Variants in WDR62 observed in about 807,000 individuals in gnomAD.
WDR62 encodes WD repeat domain 62.
In WDR62, 112 loss-of-function variants were observed where a neutral mutation model predicts 160.6. The observed-to-expected ratio is 0.70, with a 90% CI of 0.60 to 0.82. The LOEUF (loss-of-function observed/expected upper bound fraction) is 0.82. Among genes scored for constraint, WDR62 ranks in the 40% least tolerant of loss-of-function variants. The pLI, the probability that WDR62 is intolerant of heterozygous loss-of-function variation, is 0.00. For synonymous variants in WDR62, 792 were observed against 815.1 expected (o/e 0.97, Z 0.48); for missense variants, 1,819 against 1,983.8 (o/e 0.92, Z 1.58).
Position 36,100,857 on chromosome 19 carries a change from C to T in WDR62, c.2849C>T (p.Thr950Ile), listed in dbSNP as rs1348847726. The change falls in exon 23 of 32, where the codon ACA (threonine) becomes ATA (isoleucine). Residue 950 changes from threonine (T) to isoleucine (I), a missense_variant. By Grantham distance (89) the Thr-to-Ile change is moderately conservative. Around this residue, in one of 3 missense-constraint regions of WDR62, gnomAD observed 934 missense variants for 1,157.2 expected, o/e 0.81. Transcript: ENST00000401500. ...CTCTACTCTCTGGAGGCAGAAGTGA[C>T]AGTCACAGGGACAGACAGGTGGGTG... The part of the protein sequence containing the change: ...LILYSLEAEV[T>I]VTGTDSQYCR... 1.2e-6 allele frequency: 2 copies of T among 1,614,248 alleles called. No individual in the cohort carries two copies. Among genetic ancestry groups the T allele is most frequent in the African/African-American group, 1.3e-5 (1 of 75,070 alleles).
intron 19 of WDR62, 86 bp downstream of exon 19, chr19:36,092,897 A>G (rs944194676): frequency 1.6e-5 from 25 of 1,601,384 alleles, no homozygotes; most frequent in Admixed American, 1.5e-4. Context: ...GTGGTGGCCA[A>G]GACAGCCCTA....
chr19:36,060,039 A>AGGCCTG lies in WDR62; in HGVS notation c.332+14_332+19dup. 2 of 1,614,204 alleles carry AGGCCTG rather than the reference A, an allele frequency of 1.2e-6. No homozygotes were observed. Among genetic ancestry groups the AGGCCTG allele is most frequent in the Non-Finnish European group, 1.7e-6 (2 of 1,180,016 alleles). On this transcript the variant is annotated intron_variant, in intron 3 of 31. Transcript: ENST00000401500. ...ATCTTTAACACCGCCAGGTAGGCTG[A>AGGCCTG]GGCCTGGGCCCGGGGCAGGGGTGGA...
At chr19:36,061,203 T>C (rs1416781056) in intron 3 of WDR62, 1 of 152,232 alleles carries the variant, frequency 6.6e-6, no homozygotes, top group East Asian at 1.9e-4. Flanking sequence ...AGTGGCTTTT[T>C]GGACCTTTTG....
chr19:36,091,265 T>A lies in WDR62; in HGVS notation c.2100T>A (p.Ile700=). The change falls in exon 17 of 32, where the codon ATT becomes ATA. Residue 700 remains isoleucine, a synonymous_variant. Transcript: ENST00000401500. ...GCTCTGACAAAAGCATCTCAGTGATTGACTTTTACTCGGGCGAGTGCATTG... is the reference window on the plus strand; with the variant it reads ...GCTCTGACAAAAGCATCTCAGTGATAGACTTTTACTCGGGCGAGTGCATTG... The part of the protein sequence containing the change: ...TSCSDKSISV[I]DFYSGECIAK... 6.2e-7 allele frequency: 1 copy of A among 1,613,790 alleles called. No individual in the cohort carries two copies. The highest frequency in any genetic ancestry group is 8.5e-7 in the Non-Finnish European group (1 of 1,180,042).
chr19:36,103,707 C>T lies in WDR62; in HGVS notation c.3879C>T (p.Ala1293=), dbSNP rs149342521. Residue 1293 remains alanine (A), a synonymous_variant, in exon 30 of 32, where the codon GCC becomes GCT. Transcript: ENST00000401500. The part of the protein sequence containing the change: ...PALRSWGNHE[A]RANLRLTLSS... ...TGCGTTCCTGGGGCAACCACGAGGC[C>T]CGGGCCAACCTGAGACTGACCCTGT... 8 of 1,610,796 alleles carry T rather than the reference C, an allele frequency of 5.0e-6. No homozygotes were observed. In the East Asian group the frequency reaches 8.9e-5, roughly 18 times the overall value.
chr19:36,091,470 G>A lies in WDR62; in HGVS notation c.2210+5G>A. ...GATCACAGTATCTGGAGACAGGTGG[G>A]ACATGGACCTTTGGGAGAGTTGTGG... is the stretch of plus-strand genomic sequence containing the variant. On this transcript the variant is annotated splice_donor_5th_base_variant and intron_variant, in intron 18 of 31. Transcript: ENST00000401500. 1.9e-6 allele frequency: 3 copies of A among 1,613,910 alleles called. No homozygotes were observed. Among genetic ancestry groups the A allele is most frequent in the Non-Finnish European group, 2.5e-6 (3 of 1,179,878 alleles).
At chr19:36,104,723 C>T in intron 31 of WDR62, 45 bp from the exon 32 acceptor site, 1 of 1,613,906 alleles carries the variant, frequency 6.2e-7, no homozygotes. Context: ...TCTCTTGAGA[C>T]CGCCCGGCCT....
chr19:36,056,235 G>A (rs1970364679), intron 1 of WDR62, among the ~76,000 whole-genome samples: 1 of 152,100 alleles, frequency 6.6e-6, no homozygotes, highest in African/African-American at 2.4e-5. Flanking sequence ...GATCTTCTTG[G>A]CACGGAGTCC....
downstream of WDR62, among the ~76,000 whole-genome samples, chr19:36,107,608 TG>T (rs1487106262): frequency 6.6e-6 from 1 of 151,936 alleles, no homozygotes; most frequent in Non-Finnish European, 1.5e-5. Context: ...GAGACTCATC[TG>T]GGGTCAGATG....
Position 36,091,702 on chromosome 19 carries a change from G to C in WDR62, c.2210+237G>C, listed in dbSNP as rs187579029. On this transcript the variant is annotated intron_variant, in intron 18 of 31. Coordinates refer to ENST00000401500, the MANE Select transcript of WDR62 (RefSeq NM_001083961.2). ...ACTTGAGCTCAGGAGTTCGAGACCA[G>C]CCTGGGCAACATAGCAAAACCCTAT... Among the ~76,000 whole-genome samples the C allele has an allele frequency of 4.6e-5, 7 of 152,156 alleles. No homozygotes were observed. In the East Asian group the frequency reaches 1.4e-3, roughly 30 times the overall value.
intron 9 of WDR62, among the ~76,000 whole-genome samples, chr19:36,081,007 A>T (rs1392847627): frequency 2.0e-5 from 3 of 151,542 alleles, no homozygotes; most frequent in Admixed American, 6.6e-5. Context: ...GCCAGAGTAG[A>T]CTTGAACTGC....
chr19:36,097,981 G>T (rs1219336829), intron 21 of WDR62, among the ~76,000 whole-genome samples: 5 of 152,236 alleles, frequency 3.3e-5, no homozygotes, highest in Admixed American at 6.5e-5. Flanking sequence ...TTTGAGCAGA[G>T]TTGAAGCAAG....
At chr19:36,058,602 G>A (rs934303145) in intron 1 of WDR62, among the ~76,000 whole-genome samples, 178 bp from the exon 2 acceptor site, 2 of 152,262 alleles carry the variant, frequency 1.3e-5, no homozygotes, top group Admixed American at 6.5e-5. Context: ...TTTTCACCTA[G>A]CGTTGTATTT....
In WDR62 at chr19:36,099,453, C is replaced by T. The variant is rs1006898944; in HGVS notation, c.2575C>T (p.Gln859Ter). 1 of 1,613,798 alleles carries T rather than the reference C, an allele frequency of 6.2e-7. No homozygotes were observed. The highest frequency in any genetic ancestry group is 8.5e-7 in the Non-Finnish European group (1 of 1,180,048). The change falls in exon 22 of 32, where the codon CAG (glutamine) becomes TAG (stop). Residue 859 changes from glutamine (Q) to a stop codon, truncating the protein, a stop_gained. Transcript: ENST00000401500. LOFTEE classifies it high-confidence loss of function. ...GLAFHAKRSYQPHGRWAERAG... is the reference protein window; with the variant it reads ...GLAFHAKRSY ...GGCCTTCCACGCCAAGCGCAGCTAC[C>T]AGCCCCACGGCCGCTGGGCAGAGCG...
intron 3 of WDR62, chr19:36,061,589 G>A (rs1970648655): frequency 6.6e-6 from 1 of 152,230 alleles, no homozygotes; most frequent in South Asian, 2.1e-4. Flanking sequence ...GTTGTGGCCA[G>A]TTCCTCACAC....
chr19:36,090,148 CAG>C (rs1376365260), intron 15 of WDR62, among the ~76,000 whole-genome samples: 5 of 152,178 alleles, frequency 3.3e-5, no homozygotes, highest in Non-Finnish European at 7.4e-5. Flanking sequence ...CAGGGGGAGG[CAG>C]AGAGTGAGTG....
chr19:36,089,967 C>T (rs1435644873), intron 15 of WDR62, among the ~76,000 whole-genome samples: 1 of 152,218 alleles, frequency 6.6e-6, no homozygotes, highest in Non-Finnish European at 1.5e-5. Context: ...TCATGGAGCT[C>T]ACAGTCCAGT....
rs587784544 is a variant in WDR62 at position 36,083,177 on chromosome 19, C to T, written c.1486C>T (p.Arg496Trp). The T allele has an allele frequency of 7.4e-6, 12 of 1,611,386 alleles. No individual in the cohort carries two copies. The highest frequency in any genetic ancestry group is 1.7e-5 in the Admixed American group (1 of 59,626). The change falls in exon 11 of 32, where the codon CGG (arginine) becomes TGG (tryptophan). Residue 496 changes from arginine (R) to tryptophan (W), a missense_variant. By Grantham distance (101) the Arg-to-Trp change is moderately radical. Coordinates refer to ENST00000401500, the MANE Select transcript of WDR62 (RefSeq NM_001083961.2). ...GTPMDVKAGV[R>W]VMQVSPDGQH... ...ACCCATGGACGTGAAAGCCGGGGTGCGGGTCATGCAGGTCAGTCCTGACGG... is the reference window on the plus strand; with the variant it reads ...ACCCATGGACGTGAAAGCCGGGGTGTGGGTCATGCAGGTCAGTCCTGACGG...
Position 36,104,836 on chromosome 19 carries a change from G to A in WDR62, c.4380G>A (p.Leu1460=). The A allele has an allele frequency of 6.2e-7, 1 of 1,613,540 alleles. No homozygotes were observed. Among genetic ancestry groups the A allele is most frequent in the African/African-American group, 1.3e-5 (1 of 75,064 alleles). ...QARTELVSTF[L]WIHSQLEAEC... is the part of the protein sequence containing the mutation. ...GGACTGAGCTGGTCTCCACCTTCCT[G>A]TGGATCCACAGCCAGCTGGAGGCTG... The change falls in exon 32 of 32, where the codon CTG becomes CTA. Residue 1460 remains leucine, a synonymous_variant. Coordinates refer to ENST00000401500, the MANE Select transcript of WDR62 (RefSeq NM_001083961.2).
Sources: gnomAD v4.1 joint callset for allele counts (sites outside exome capture counted in the v4.1 genomes callset) on GRCh38, gnomAD v4.1.1 for gene constraint, gnomAD v4.1.1 regional missense constraint, MANE v1.5 for transcripts, NCBI Gene and HGNC (gene_info 2026-07-23, HGNC 2026-07-21) for gene names.